KHDRBS2: variants seen among roughly 807,000 people sequenced by gnomAD.
KHDRBS2 encodes KH RNA binding domain containing, signal transduction associated 2.
Under a neutral mutation model 44.3 loss-of-function variants are expected in KHDRBS2, and 26 were observed. The ratio of observed to expected loss-of-function variants is 0.59; its 90% CI spans 0.43 to 0.81. KHDRBS2 has a LOEUF of 0.81. KHDRBS2 is among the 40% of genes least tolerant of loss of function. The probability of loss-of-function intolerance (pLI) is 0.00; values close to 1 mark genes in which losing one functional copy is unlikely to be tolerated. For missense variants in KHDRBS2, 476 were observed against 433.1 expected (o/e 1.10, Z -0.88); for synonymous variants, 194 against 151.1 (o/e 1.28, Z -2.08).
At chr6:61,613,895 T>C in the KHDRBS2 span, among the ~76,000 whole-genome samples, 1 of 152,166 alleles carries the variant, frequency 6.6e-6, no homozygotes, top group Non-Finnish European at 1.5e-5. Flanking sequence ...TACCAGATGA[T>C]ATTTTCTGAC....
the KHDRBS2 span, among the ~76,000 whole-genome samples, chr6:61,638,027 C>G: frequency 1.3e-5 from 2 of 151,980 alleles, no homozygotes; most frequent in Non-Finnish European, 2.9e-5. Flanking sequence ...TGCAGAAGCT[C>G]TTTAGTTTAA....
intron 6 of KHDRBS2, among the ~76,000 whole-genome samples, chr6:61,846,876 C>A (rs1162291587): frequency 5.3e-5 from 8 of 151,806 alleles, no homozygotes; most frequent in African/African-American, 1.9e-4. Flanking sequence ...ATTACATTTA[C>A]AATAATTTTT....
the KHDRBS2 span, among the ~76,000 whole-genome samples, chr6:61,607,545 A>AAAAAAAAAAAAG: frequency 2.0e-5 from 3 of 147,572 alleles, no homozygotes; most frequent in Admixed American, 6.8e-5. Context: ...AAAAAAAAAA[A>AAAAAAAAAAAAG]GATGTGTGAG....
intron 2 of KHDRBS2, among the ~76,000 whole-genome samples, chr6:62,069,143 T>C (rs1350892384): frequency 6.6e-6 from 1 of 151,602 alleles, no homozygotes; most frequent in Non-Finnish European, 1.5e-5. Flanking sequence ...AATCTACATA[T>C]AACTTTGGAG....
intron 1 of KHDRBS2, among the ~76,000 whole-genome samples, chr6:62,221,344 A>C (rs1830861329): frequency 6.6e-6 from 1 of 152,040 alleles, no homozygotes; most frequent in Admixed American, 6.6e-5. Flanking sequence ...AAAGGATATA[A>C]AGCAGCAGAT....
intron 6 of KHDRBS2, among the ~76,000 whole-genome samples, chr6:61,794,669 A>G (rs1415279530): frequency 6.6e-6 from 1 of 152,166 alleles, no homozygotes. Flanking sequence ...ACCATTGACA[A>G]TTTGAAATAT....
chr6:62,169,071 GAA>G (rs1819319773), intron 2 of KHDRBS2, among the ~76,000 whole-genome samples: 2 of 59,052 alleles, frequency 3.4e-5, no homozygotes, highest in African/African-American at 1.2e-4. Flanking sequence ...ATGTATACAT[GAA>G]TATAAATATA....
chr6:61,926,109 T>C (rs1225448315), intron 4 of KHDRBS2, among the ~76,000 whole-genome samples: 6 of 152,172 alleles, frequency 3.9e-5, no homozygotes, highest in Admixed American at 2.0e-4. Context: ...TGTGGGTTTA[T>C]AGAAGAAAGT....
At chr6:62,087,963 C>T (rs1391590371) in intron 2 of KHDRBS2, among the ~76,000 whole-genome samples, 1 of 152,092 alleles carries the variant, frequency 6.6e-6, no homozygotes, top group African/African-American at 2.4e-5. Flanking sequence ...CTCTGATATC[C>T]TTTCTTCTGC....
intron 4 of KHDRBS2, among the ~76,000 whole-genome samples, chr6:61,929,645 C>T (rs1809645759): frequency 6.6e-6 from 1 of 152,070 alleles, no homozygotes; most frequent in South Asian, 2.1e-4. Flanking sequence ...TCAAAATGCA[C>T]TAGTTTAGTA....
chr6:61,665,347 G>T, the KHDRBS2 span, among the ~76,000 whole-genome samples: 1 of 151,228 alleles, frequency 6.6e-6, no homozygotes, highest in African/African-American at 2.4e-5. Flanking sequence ...ACAATGTAAG[G>T]GTATATTTTT....
At chr6:62,092,033 C>A (rs184997777) in intron 2 of KHDRBS2, among the ~76,000 whole-genome samples, 1 of 152,230 alleles carries the variant, frequency 6.6e-6, no homozygotes, top group Non-Finnish European at 1.5e-5. Context: ...TATAAAATTA[C>A]CCTTACTTGG....
At chr6:61,580,782 G>A in the KHDRBS2 span, among the ~76,000 whole-genome samples, 89,805 of 151,796 alleles carry the variant, frequency 0.59, 26,773 homozygotes, top group African/African-American at 0.61. Flanking sequence ...CGACCGGTCC[G>A]GACACATCTG....
chr6:61,774,986 C>CAA (rs1781699172), intron 6 of KHDRBS2, among the ~76,000 whole-genome samples: 1 of 152,098 alleles, frequency 6.6e-6, no homozygotes, highest in Non-Finnish European at 1.5e-5. Context: ...GCTGGTTCAA[C>CAA]ATACACAAAT....
chr6:61,889,038 G>C (rs1365100834), intron 6 of KHDRBS2, among the ~76,000 whole-genome samples: 2 of 152,000 alleles, frequency 1.3e-5, no homozygotes, highest in African/African-American at 4.8e-5. Context: ...ACAAAAAATA[G>C]ATTATTAATA....
chr6:61,900,520 T>C (rs186126775), intron 5 of KHDRBS2, among the ~76,000 whole-genome samples: 17 of 152,256 alleles, frequency 1.1e-4, no homozygotes, highest in Admixed American at 1.1e-3. Context: ...ATTAAAAGCT[T>C]GAACAATTCA....
intron 3 of KHDRBS2, among the ~76,000 whole-genome samples, chr6:61,986,174 T>G (rs1224030610): frequency 6.6e-6 from 1 of 152,168 alleles, no homozygotes; most frequent in African/African-American, 2.4e-5. Flanking sequence ...CATGAAAAGA[T>G]GAAATGAGGT....
At chr6:62,187,587 A>G (rs1823704757) in intron 1 of KHDRBS2, among the ~76,000 whole-genome samples, 6 of 152,172 alleles carry the variant, frequency 3.9e-5, no homozygotes, top group Admixed American at 3.9e-4. Context: ...GATGACTTTT[A>G]ACATATGCAT....
intron 1 of KHDRBS2, among the ~76,000 whole-genome samples, chr6:62,234,878 T>G (rs1417531597): frequency 1.3e-5 from 2 of 151,952 alleles, no homozygotes; most frequent in East Asian, 3.9e-4. Context: ...GTAAGTCCCA[T>G]GAGGTTCCTA....
Sources: gnomAD v4.1 joint callset for allele counts (sites outside exome capture counted in the v4.1 genomes callset) on GRCh38, gnomAD v4.1.1 for gene constraint, MANE v1.5 for transcripts, NCBI Gene and HGNC (gene_info 2026-07-23, HGNC 2026-07-21) for gene names.